NSD1: variants seen among roughly 807,000 people sequenced by gnomAD.
NSD1 encodes the protein nuclear receptor binding SET domain protein 1.
NSD1 carries 26 observed loss-of-function variants against 242.7 expected under a neutral mutation model. The ratio of observed to expected loss-of-function variants is 0.11; its 90% CI spans 0.08 to 0.15. The LOEUF is 0.15. Ranked by LOEUF, NSD1 falls within the 10% of genes least tolerant of loss-of-function variation. The pLI, the probability that NSD1 is intolerant of heterozygous loss-of-function variation, is 1.00. For missense variants in NSD1, 2,495 were observed against 3,272.8 expected, an observed-to-expected ratio of 0.76 and a Z score of 5.80; for synonymous variants, 1,106 against 1,178.1, an observed-to-expected ratio of 0.94 and a Z score of 1.25.
At chr5:177,185,979 T>C (rs546613296) in intron 2 of NSD1, among the ~76,000 whole-genome samples, 2,334 of 98,240 alleles carry the variant, frequency 0.024, 114 homozygotes, top group African/African-American at 0.093. Flanking sequence ...CTATATTATA[T>C]ATTATATATT....
chr5:177,131,950 G>T (rs1461525401), upstream of NSD1, among the ~76,000 whole-genome samples: 1 of 152,250 alleles, frequency 6.6e-6, no homozygotes, highest in African/African-American at 2.4e-5. Flanking sequence ...CTTCTTGGTG[G>T]GGATCAAGCC....
chr5:177,283,417 A>T (rs544215039), intron 19 of NSD1, among the ~76,000 whole-genome samples: 2 of 152,342 alleles, frequency 1.3e-5, no homozygotes, highest in Admixed American at 6.5e-5. Context: ...TCTAATGTGC[A>T]TCTGGGTTGA....
intron 3 of NSD1, among the ~76,000 whole-genome samples, chr5:177,202,713 A>G (rs539647041): frequency 2.0e-5 from 3 of 152,288 alleles, no homozygotes; most frequent in African/African-American, 7.2e-5. Context: ...GAGTGATTTA[A>G]TTCTCAAATT....
At chr5:177,220,866 C>T (rs1032539446) in intron 5 of NSD1, among the ~76,000 whole-genome samples, 1 of 151,678 alleles carries the variant, frequency 6.6e-6, no homozygotes, top group Non-Finnish European at 1.5e-5. Context: ...CCACTGTGGT[C>T]GGCCTCTTTT....
chr5:177,219,478 C>T lies in NSD1; in HGVS notation c.3796+7283C>T, dbSNP rs1396706778. Among the ~76,000 whole-genome samples the T allele has an allele frequency of 2.0e-5, 3 of 152,186 alleles. No homozygotes were observed. In the East Asian group the frequency reaches 5.8e-4, roughly 29 times the overall value. On this transcript the variant is annotated intron_variant, in intron 5 of 22. Transcript: ENST00000439151. ...GGGATTACAGGCGTGAGCCACCGCGCCCGGCCCTGTCAAAAGATATTTTCA... is the reference window on the plus strand; with the variant it reads ...GGGATTACAGGCGTGAGCCACCGCGTCCGGCCCTGTCAAAAGATATTTTCA...
At chr5:177,205,923 G>A (rs568873615) in intron 4 of NSD1, among the ~76,000 whole-genome samples, 1 of 152,140 alleles carries the variant, frequency 6.6e-6, no homozygotes, top group South Asian at 2.1e-4. Flanking sequence ...TCCCAGGCTC[G>A]AGCCATTCTC....
At chr5:177,276,651 C>T (rs1196201302) in intron 17 of NSD1, among the ~76,000 whole-genome samples, 1 of 152,050 alleles carries the variant, frequency 6.6e-6, no homozygotes, top group Non-Finnish European at 1.5e-5. Flanking sequence ...TTCTCCCCCC[C>T]TTTATTAGAG....
At chr5:177,137,209 A>AT (rs1393318873) in intron 2 of NSD1, 8 of 314,294 alleles carry the variant, frequency 2.5e-5, no homozygotes, top group African/African-American at 6.4e-5. Context: ...TTGCTATAAG[A>AT]TTCCTTCAGC....
At chr5:177,264,473 A>G (rs541483883) in intron 14 of NSD1, among the ~76,000 whole-genome samples, 1 of 152,296 alleles carries the variant, frequency 6.6e-6, no homozygotes, top group African/African-American at 2.4e-5. Flanking sequence ...GAGAGGCCAT[A>G]CTTTCTTCAC....
At chr5:177,165,682 TC>T (rs1759128524) in intron 2 of NSD1, among the ~76,000 whole-genome samples, 1 of 152,078 alleles carries the variant, frequency 6.6e-6, no homozygotes, top group Admixed American at 6.6e-5. Context: ...AGCCTCGACT[TC>T]CCTGGGCTGA....
chr5:177,163,899 C>T (rs1166939500), intron 2 of NSD1, among the ~76,000 whole-genome samples: 1 of 152,130 alleles, frequency 6.6e-6, no homozygotes, highest in Non-Finnish European at 1.5e-5. Context: ...GGCTGCCTCT[C>T]CTGTTGCAAA....
intron 2 of NSD1, among the ~76,000 whole-genome samples, chr5:177,190,857 C>T (rs1453720451): frequency 3.3e-5 from 5 of 150,156 alleles, no homozygotes; most frequent in Admixed American, 1.3e-4. Context: ...TTAGTAGAGA[C>T]GGGGTTTCAC....
chr5:177,262,989 A>C (rs1757111667), intron 14 of NSD1, among the ~76,000 whole-genome samples: 1 of 152,160 alleles, frequency 6.6e-6, no homozygotes, highest in South Asian at 2.1e-4. Context: ...TGAAGGATTC[A>C]AAAGAATGCA....
At chr5:177,275,367 G>A (rs1336177789) in intron 17 of NSD1, among the ~76,000 whole-genome samples, 1 of 146,854 alleles carries the variant, frequency 6.8e-6, no homozygotes, top group Admixed American at 6.9e-5. Context: ...AATGCCGTAA[G>A]AAATCTAAAG....
chr5:177,175,757 A>G (rs1760139669), intron 2 of NSD1, among the ~76,000 whole-genome samples: 1 of 152,204 alleles, frequency 6.6e-6, no homozygotes. Context: ...GTATGAAAAT[A>G]GTAACATCTA....
chr5:177,196,697 T>A (rs974459302), intron 3 of NSD1, among the ~76,000 whole-genome samples: 2 of 152,192 alleles, frequency 1.3e-5, no homozygotes, highest in African/African-American at 2.4e-5. Flanking sequence ...TGAGATTTTT[T>A]GGGACAAAAG....
intron 3 of NSD1, among the ~76,000 whole-genome samples, chr5:177,195,435 T>C (rs1468083034): frequency 1.3e-5 from 2 of 151,900 alleles, no homozygotes; most frequent in African/African-American, 4.8e-5. Flanking sequence ...TGACTGCTGG[T>C]TTCTTACTCA....
At chr5:177,190,725 A>G (rs1406800380) in intron 2 of NSD1, among the ~76,000 whole-genome samples, 1 of 150,534 alleles carries the variant, frequency 6.6e-6, no homozygotes, top group African/African-American at 2.5e-5. Flanking sequence ...GCTGGAGTGC[A>G]GTGGCGCCAT....
chr5:177,221,016 A>T (rs113733501), intron 5 of NSD1: 7,715 of 455,050 alleles, frequency 0.017, 528 homozygotes, highest in African/African-American at 0.14. Context: ...GGTGCCTTCC[A>T]CCACCCCCGG....
Sources: gnomAD v4.1 joint callset for allele counts (sites outside exome capture counted in the v4.1 genomes callset) on GRCh38, gnomAD v4.1.1 for gene constraint, MANE v1.5 for transcripts, NCBI Gene and HGNC (gene_info 2026-07-23, HGNC 2026-07-21) for gene names.